Variants in KCNJ6 observed in about 807,000 individuals in gnomAD.
KCNJ6 encodes the protein G protein-activated inward rectifier potassium channel 2.
Under a neutral mutation model 34.2 loss-of-function variants are expected in KCNJ6, and 9 were observed. That is an observed-to-expected ratio of 0.26 (90% CI 0.16 to 0.46). The LOEUF (loss-of-function observed/expected upper bound fraction) is 0.46, where lower values mean the gene tolerates loss of function less well. Among genes scored for constraint, KCNJ6 ranks in the 20% least tolerant of loss-of-function variants. KCNJ6 has a pLI of 1.00. For missense variants in KCNJ6, 236 were observed against 531.3 expected, an observed-to-expected ratio of 0.44 and a Z score of 5.46; for synonymous variants, 196 against 207.1, an observed-to-expected ratio of 0.95 and a Z score of 0.46.
At chr21:37,666,050 G>A (rs1173371855) in intron 3 of KCNJ6, among the ~76,000 whole-genome samples, 1 of 152,206 alleles carries the variant, frequency 6.6e-6, no homozygotes, top group African/African-American at 2.4e-5. Context: ...CCTGAAACCT[G>A]AAAGCAAGGT....
chr21:37,712,647 T>TCCCTTTCTCTTC (rs2054764711), intron 3 of KCNJ6, among the ~76,000 whole-genome samples: 1 of 66,976 alleles, frequency 1.5e-5, no homozygotes, highest in Admixed American at 1.6e-4. Flanking sequence ...CCTCCCCTTC[T>TCCCTTTCTCTTC]CCTCCTCTCC....
At chr21:37,871,989 C>T (rs1424188325) in intron 1 of KCNJ6, among the ~76,000 whole-genome samples, 1 of 151,944 alleles carries the variant, frequency 6.6e-6, no homozygotes, top group African/African-American at 2.4e-5. Flanking sequence ...AAATGAGAAG[C>T]AAATTTCCCA....
chr21:37,732,084 C>T (rs1272675465), intron 2 of KCNJ6, among the ~76,000 whole-genome samples: 1 of 152,142 alleles, frequency 6.6e-6, no homozygotes, highest in African/African-American at 2.4e-5. Flanking sequence ...ACCTAGTTTT[C>T]CAAACGAGGG....
chr21:37,709,387 G>A (rs941876266), intron 3 of KCNJ6, among the ~76,000 whole-genome samples: 4 of 152,090 alleles, frequency 2.6e-5, no homozygotes, highest in African/African-American at 9.7e-5. Flanking sequence ...GGTGGTGCAT[G>A]CCTGTAATCC....
chr21:37,894,103 A>G (rs1410043156), intron 1 of KCNJ6, among the ~76,000 whole-genome samples: 1 of 152,222 alleles, frequency 6.6e-6, no homozygotes, highest in Non-Finnish European at 1.5e-5. Context: ...CAAACATATC[A>G]GGGGATGGTC....
At chr21:37,773,346 C>A (rs1055448411) in intron 2 of KCNJ6, among the ~76,000 whole-genome samples, 1 of 152,186 alleles carries the variant, frequency 6.6e-6, no homozygotes, top group Non-Finnish European at 1.5e-5. Context: ...ACTTCCTTGT[C>A]TTCATTTTCA....
intron 2 of KCNJ6, among the ~76,000 whole-genome samples, chr21:37,771,709 A>T (rs1235595110): frequency 6.6e-6 from 1 of 152,208 alleles, no homozygotes; most frequent in Non-Finnish European, 1.5e-5. Context: ...TGATGTTTTA[A>T]TGACCACCTA....
intron 1 of KCNJ6, among the ~76,000 whole-genome samples, chr21:37,894,403 G>A (rs2055777714): frequency 6.6e-6 from 1 of 152,154 alleles, no homozygotes; most frequent in South Asian, 2.1e-4. Flanking sequence ...GGTGGCTCAC[G>A]CCTGTAATCC....
At chr21:37,796,127 G>A (rs561559972) in intron 2 of KCNJ6, among the ~76,000 whole-genome samples, 1 of 152,254 alleles carries the variant, frequency 6.6e-6, no homozygotes, top group South Asian at 2.1e-4. Flanking sequence ...TACATTTGCC[G>A]TAGCCCGTGG....
At chr21:37,843,067 C>T (rs1433207451) in intron 1 of KCNJ6, among the ~76,000 whole-genome samples, 2 of 152,060 alleles carry the variant, frequency 1.3e-5, no homozygotes, top group East Asian at 1.9e-4. Context: ...CAGTGAGAAC[C>T]CCCCAACGCC....
At chr21:37,706,199 T>C (rs536484626) in intron 3 of KCNJ6, among the ~76,000 whole-genome samples, 51 of 152,350 alleles carry the variant, frequency 3.3e-4, no homozygotes, top group African/African-American at 1.2e-3. Flanking sequence ...AAATGCAATC[T>C]AATACGTGTC....
intron 3 of KCNJ6, among the ~76,000 whole-genome samples, chr21:37,705,237 C>T (rs1426957116): frequency 6.6e-6 from 1 of 152,154 alleles, no homozygotes; most frequent in Non-Finnish European, 1.5e-5. Context: ...GTAGGCTCCT[C>T]TAGAGGGGCA....
chr21:37,629,267 T>C (rs1027672219), intron 3 of KCNJ6, among the ~76,000 whole-genome samples: 2 of 152,242 alleles, frequency 1.3e-5, no homozygotes, highest in Non-Finnish European at 2.9e-5. Flanking sequence ...GAATATATCA[T>C]GGTTTTATTT....
chr21:37,670,421 G>A (rs921693261), intron 3 of KCNJ6, among the ~76,000 whole-genome samples: 1 of 152,044 alleles, frequency 6.6e-6, no homozygotes, highest in Non-Finnish European at 1.5e-5. Context: ...ATTTTGGCAG[G>A]GATAACATTA....
rs149328087 is a variant in KCNJ6 at position 37,890,398 on chromosome 21, G to C, written c.-28+25486C>G. ...TTACGGGGACTACAATTCGAGGTGA[G>C]ATTTGGGTGGGAACACAGCCAAATC... On this transcript the variant is annotated intron_variant, in intron 1 of 3. Coordinates refer to ENST00000609713, the MANE Select transcript of KCNJ6 (RefSeq NM_002240.5). Among the ~76,000 whole-genome samples, 512 of 152,324 alleles carry C rather than the reference G, an allele frequency of 3.4e-3. 2 individuals carry two copies. Among genetic ancestry groups the C allele is most frequent in the Middle Eastern group, 0.01 (3 of 294 alleles).
At chr21:37,655,219 GTGTGTGA>G (rs2054455348) in intron 3 of KCNJ6, among the ~76,000 whole-genome samples, 1 of 91,612 alleles carries the variant, frequency 1.1e-5, no homozygotes, top group Non-Finnish European at 2.5e-5. Context: ...GTGTGTGTGT[GTGTGTGA>G]GAGAGAGAGA....
intron 2 of KCNJ6, among the ~76,000 whole-genome samples, chr21:37,811,216 C>G (rs2055320958): frequency 6.6e-6 from 1 of 152,194 alleles, no homozygotes; most frequent in Non-Finnish European, 1.5e-5. Flanking sequence ...AACCCCTGCT[C>G]TCAGACCTTT....
At chr21:37,704,782 C>T (rs1374413939) in intron 3 of KCNJ6, among the ~76,000 whole-genome samples, 1 of 152,074 alleles carries the variant, frequency 6.6e-6, no homozygotes, top group Non-Finnish European at 1.5e-5. Flanking sequence ...TATTATAGTG[C>T]TTTCTGGCAG....
chr21:37,792,316 C>T (rs1032560777), intron 2 of KCNJ6, among the ~76,000 whole-genome samples: 5 of 152,194 alleles, frequency 3.3e-5, no homozygotes, highest in African/African-American at 1.2e-4. Flanking sequence ...CATATGCTGG[C>T]TGGGCCACTA....
Sources: allele counts gnomAD v4.1 joint callset (sites outside exome capture counted in the v4.1 genomes callset), GRCh38; gene constraint gnomAD v4.1.1; transcripts MANE v1.5; gene names NCBI Gene and HGNC (gene_info 2026-07-23, HGNC 2026-07-21).